CNTN4: variants seen among roughly 807,000 people sequenced by gnomAD.
CNTN4 encodes the protein contactin 4, also known as contactin-4.
CNTN4 carries 77 observed loss-of-function variants against 122.5 expected under a neutral mutation model. The observed-to-expected ratio is 0.63, with a 90% CI of 0.52 to 0.76. CNTN4 has a LOEUF of 0.76. Among genes scored for constraint, CNTN4 ranks in the 30% least tolerant of loss-of-function variants. CNTN4 has a pLI of 0.00. For missense variants in CNTN4, 1,256 were observed against 1,259.1 expected (o/e 1.00, Z 0.04); for synonymous variants, 512 against 447.0 (o/e 1.15, Z -1.83).
At chr3:2,479,458 G>A (rs1326322162) in intron 3 of CNTN4, among the ~76,000 whole-genome samples, 1 of 152,176 alleles carries the variant, frequency 6.6e-6, no homozygotes, top group South Asian at 2.1e-4. Context: ...AGAATGTAGA[G>A]GAAGGGTCAG....
At chr3:2,932,246 T>A (rs796439318) in intron 13 of CNTN4, among the ~76,000 whole-genome samples, 2 of 151,892 alleles carry the variant, frequency 1.3e-5, no homozygotes, top group South Asian at 2.1e-4. Context: ...GGCGTGGTGG[T>A]GGGCGCCTGT....
intron 2 of CNTN4, among the ~76,000 whole-genome samples, chr3:2,122,383 A>G (rs998303033): frequency 1.3e-5 from 2 of 152,196 alleles, no homozygotes; most frequent in Non-Finnish European, 2.9e-5. Context: ...TGCTTACTAT[A>G]AAAAATGATG....
intron 24 of CNTN4, among the ~76,000 whole-genome samples, chr3:3,055,694 C>A (rs913677246): frequency 6.6e-6 from 1 of 152,184 alleles, no homozygotes; most frequent in Non-Finnish European, 1.5e-5. Context: ...TTACCGCCAT[C>A]TGTTAAGCGA....
At position 2,815,873 on chromosome 3, in the gene CNTN4, C is replaced by CATATATATATATATATAT. The variant is rs58111735; in HGVS notation, c.359-3612_359-3595dup. ...CAATAAGTGGCTAAAGAAACTATGG[C>CATATATATATATATATAT]ATATATATATATATATATGATGGAA... On this transcript the variant is annotated intron_variant, in intron 6 of 24. Coordinates refer to ENST00000418658, the MANE Select transcript of CNTN4 (RefSeq NM_175607.3). Among the ~76,000 whole-genome samples the CATATATATATATATATAT allele has an allele frequency of 1.6e-4, 23 of 141,270 alleles. No individual in the cohort carries two copies. In the South Asian group the frequency reaches 1.9e-3, roughly 12 times the overall value. The allele number at this position is 141,270 out of a possible 152,430, so 92.7% of individuals were successfully genotyped here. A position where few individuals can be genotyped will look rare whatever the true frequency, so the allele number is the denominator to read the frequency against.
chr3:2,463,584 A>T (rs1254306133), intron 3 of CNTN4, among the ~76,000 whole-genome samples: 1 of 152,020 alleles, frequency 6.6e-6, no homozygotes, highest in African/African-American at 2.4e-5. Context: ...ACATGGTGAA[A>T]CCCCATCTCT....
At chr3:3,006,849 TTC>T (rs1427728637) in intron 14 of CNTN4, among the ~76,000 whole-genome samples, 2 of 152,214 alleles carry the variant, frequency 1.3e-5, no homozygotes, top group Non-Finnish European at 1.5e-5. Flanking sequence ...AATTAGAATT[TTC>T]TCTGTCAAAC....
intron 4 of CNTN4, among the ~76,000 whole-genome samples, chr3:2,593,250 G>A (rs917751918): frequency 6.6e-6 from 1 of 152,156 alleles, no homozygotes; most frequent in Non-Finnish European, 1.5e-5. Flanking sequence ...CTGGCTAATA[G>A]CTAATAAGTC....
intron 6 of CNTN4, among the ~76,000 whole-genome samples, chr3:2,801,654 C>T (rs1011599950): frequency 2.0e-5 from 3 of 150,052 alleles, no homozygotes; most frequent in Admixed American, 2.0e-4. Context: ...GTATCATTGT[C>T]GTGATTAAGA....
intron 4 of CNTN4, among the ~76,000 whole-genome samples, chr3:2,616,171 G>A (rs911096713): frequency 1.3e-5 from 2 of 150,054 alleles, no homozygotes; most frequent in African/African-American, 4.9e-5. Context: ...AACAGGCCCA[G>A]TGTGTGTTGT....
chr3:2,519,667 C>CGG (rs2077142494), intron 3 of CNTN4, among the ~76,000 whole-genome samples: 2 of 152,168 alleles, frequency 1.3e-5, no homozygotes, highest in South Asian at 4.1e-4. Flanking sequence ...CTGTAAAGAA[C>CGG]GGTGCATCAG....
chr3:2,580,505 A>C (rs1206161378), intron 4 of CNTN4, among the ~76,000 whole-genome samples: 1 of 152,196 alleles, frequency 6.6e-6, no homozygotes, highest in Non-Finnish European at 1.5e-5. Flanking sequence ...ACTGTACTGG[A>C]ATATGCTGCA....
intron 8 of CNTN4, among the ~76,000 whole-genome samples, chr3:2,880,012 G>C (rs762870373): frequency 3.9e-5 from 6 of 152,152 alleles, no homozygotes; most frequent in Non-Finnish European, 7.4e-5. Context: ...TTCTGGGAGA[G>C]AAAATGTTCA....
chr3:2,786,851 T>C (rs562520638), intron 6 of CNTN4, among the ~76,000 whole-genome samples: 128 of 152,288 alleles, frequency 8.4e-4, no homozygotes, highest in Non-Finnish European at 1.6e-3. Flanking sequence ...AGAGCAGCTT[T>C]TCAGGAGAGT....
chr3:2,832,805 A>G (rs1038573142), intron 7 of CNTN4, among the ~76,000 whole-genome samples: 1 of 152,242 alleles, frequency 6.6e-6, no homozygotes, highest in Non-Finnish European at 1.5e-5. Flanking sequence ...AGTTTTAAAA[A>G]TTGAGATTCT....
intron 4 of CNTN4, among the ~76,000 whole-genome samples, chr3:2,735,324 G>A (rs2089003700): frequency 6.6e-6 from 1 of 152,190 alleles, no homozygotes. Flanking sequence ...TATTTATTGT[G>A]TGCATAGTCT....
intron 4 of CNTN4, among the ~76,000 whole-genome samples, chr3:2,639,601 C>A (rs906129244): frequency 3.9e-5 from 6 of 152,186 alleles, no homozygotes; most frequent in African/African-American, 1.4e-4. Flanking sequence ...CAAGGGCATG[C>A]ATCTCTGTTT....
chr3:2,191,807 G>T (rs1156491595), intron 2 of CNTN4, among the ~76,000 whole-genome samples: 2 of 151,978 alleles, frequency 1.3e-5, no homozygotes, highest in African/African-American at 4.8e-5. Context: ...GTATGCATGT[G>T]CCATGTTGGT....
intron 6 of CNTN4, among the ~76,000 whole-genome samples, chr3:2,802,718 G>A (rs1391096356): frequency 2.6e-5 from 4 of 152,230 alleles, no homozygotes; most frequent in African/African-American, 9.6e-5. Context: ...AGTGCTTGGG[G>A]CAACTTTGCA....
At chr3:2,256,432 C>G (rs556576703) in intron 2 of CNTN4, among the ~76,000 whole-genome samples, 1 of 152,330 alleles carries the variant, frequency 6.6e-6, no homozygotes, top group Non-Finnish European at 1.5e-5. Flanking sequence ...TCCTCCCTAA[C>G]TCATTTTGTG....
Sources: allele counts gnomAD v4.1 joint callset (sites outside exome capture counted in the v4.1 genomes callset), GRCh38; gene constraint gnomAD v4.1.1; transcripts MANE v1.5; gene names NCBI Gene and HGNC (gene_info 2026-07-23, HGNC 2026-07-21).